The following RABEP1 variants were observed in gnomAD, a reference collection of about 807,000 sequenced individuals.
RABEP1 encodes rab GTPase-binding effector protein 1.
Under a neutral mutation model 123.4 loss-of-function variants are expected in RABEP1, and 51 were observed. The observed-to-expected ratio is 0.41, with a 90% CI of 0.33 to 0.52. RABEP1 has a LOEUF of 0.52. Ranked by LOEUF, RABEP1 falls within the 20% of genes least tolerant of loss-of-function variation. RABEP1 has a pLI of 0.16. For synonymous variants in RABEP1, 347 were observed against 355.2 expected (o/e 0.98, Z 0.26); for missense variants, 888 against 996.3 (o/e 0.89, Z 1.46).
chr17:5,341,948 A>G (rs1400374212), intron 5 of RABEP1, among the ~76,000 whole-genome samples: 1 of 152,258 alleles, frequency 6.6e-6, no homozygotes, highest in Admixed American at 6.5e-5. Flanking sequence ...CAGCCTTACC[A>G]TTAATGGTGG....
At chr17:5,334,877 G>A (rs1030629940) in intron 3 of RABEP1, among the ~76,000 whole-genome samples, 2 of 152,174 alleles carry the variant, frequency 1.3e-5, no homozygotes, top group African/African-American at 4.8e-5. Context: ...TTGGCCTTAA[G>A]TTCGAATTCT....
intron 1 of RABEP1, among the ~76,000 whole-genome samples, chr17:5,292,925 G>A (rs983989495): frequency 2.0e-5 from 3 of 152,180 alleles, no homozygotes; most frequent in Admixed American, 6.5e-5. Context: ...CAAGCCATCT[G>A]CCTGCCTTGG....
At chr17:5,319,841 C>G (rs1207938550) in intron 2 of RABEP1, among the ~76,000 whole-genome samples, 1 of 151,654 alleles carries the variant, frequency 6.6e-6, no homozygotes, top group Non-Finnish European at 1.5e-5. Flanking sequence ...ACAAAGAGGA[C>G]AAAAAAGAAT....
intron 2 of RABEP1, among the ~76,000 whole-genome samples, chr17:5,323,709 T>TATATATCTAGGAATAC (rs1905627038): frequency 2.0e-5 from 2 of 98,004 alleles, no homozygotes. Flanking sequence ...TAGGAATATA[T>TATATATCTAGGAATAC]ATATATATCT....
chr17:5,367,644 C>T (rs747550833), intron 11 of RABEP1, among the ~76,000 whole-genome samples: 1 of 151,174 alleles, frequency 6.6e-6, no homozygotes, highest in Non-Finnish European at 1.5e-5. Flanking sequence ...CCACCTTTCC[C>T]CCATTGCTCT....
chr17:5,370,769 A>G (rs1333582284), intron 12 of RABEP1, among the ~76,000 whole-genome samples: 1 of 152,198 alleles, frequency 6.6e-6, no homozygotes, highest in Non-Finnish European at 1.5e-5. Flanking sequence ...GTGGGGACAA[A>G]ATAGTTTCAG....
Position 5,338,105 on chromosome 17 carries a change from T to C in RABEP1, c.615T>C (p.Ala205=), listed in dbSNP as rs745833834. ...IAALKDKLTE[A]EDKIKELEAS... ...CTTTGAAGGATAAACTGACAGAGGC[T>C]GAAGACAAAATTAAAGAGCTGGAGG... Residue 205 remains alanine (A), a synonymous_variant, in exon 5 of 18, where the codon GCT becomes GCC. Transcript: ENST00000537505. 6 of 1,613,442 alleles carry C rather than the reference T, an allele frequency of 3.7e-6. No individual in the cohort carries two copies. The highest frequency in any genetic ancestry group is 1.7e-4 in the Middle Eastern group (1 of 6,060).
chr17:5,318,982 G>C (rs948160647), intron 2 of RABEP1, among the ~76,000 whole-genome samples: 1 of 152,124 alleles, frequency 6.6e-6, no homozygotes, highest in African/African-American at 2.4e-5. Context: ...ACAATGTATA[G>C]ATGTATCAGA....
At chr17:5,319,335 A>AC (rs1456384744) in intron 2 of RABEP1, among the ~76,000 whole-genome samples, 2 of 119,054 alleles carry the variant, frequency 1.7e-5, no homozygotes, top group Non-Finnish European at 3.4e-5. Flanking sequence ...CTCAAAAAAA[A>AC]AAAAAACAAA....
Position 5,382,459 on chromosome 17 carries a change from C to T in RABEP1, c.2488-663C>T, listed in dbSNP as rs146551335. Among the ~76,000 whole-genome samples, 670 of 151,658 alleles carry T rather than the reference C, an allele frequency of 4.4e-3. 3 individuals carry two copies. Among genetic ancestry groups the T allele is most frequent in the Non-Finnish European group, 7.7e-3 (523 of 67,936 alleles). On this transcript the variant is annotated intron_variant, in intron 17 of 17. Coordinates refer to ENST00000537505, the MANE Select transcript of RABEP1 (RefSeq NM_004703.6). ...TCCCAACACATTACACTTTAAAATC[C>T]TAGTCTGGGCCAGGCATGGTGGCTC...
At chr17:5,361,007 C>T in intron 8 of RABEP1, 5 of 562,500 alleles carry the variant, frequency 8.9e-6, no homozygotes, top group African/African-American at 1.9e-5. Context: ...GGGATTATAT[C>T]TTGCTCACAG....
intron 16 of RABEP1, 191 bp downstream of exon 16, chr17:5,380,653 A>G (rs542125284): frequency 1.2e-4 from 71 of 606,972 alleles, no homozygotes; most frequent in African/African-American, 1.1e-3. Flanking sequence ...CTTTTCTGCC[A>G]GGTCTGGAGG....
At chr17:5,367,471 A>G (rs1335632056) in intron 11 of RABEP1, among the ~76,000 whole-genome samples, 9 of 151,760 alleles carry the variant, frequency 5.9e-5, no homozygotes, top group African/African-American at 1.5e-4. Flanking sequence ...GGGTTTCACC[A>G]TCTTGGCCAG....
Position 5,379,036 on chromosome 17 carries a change from A to G in RABEP1, c.2271+804A>G, listed in dbSNP as rs559645468. ...ATGCCACGAGACTTGGTGACACTGC[A>G]TGCTCAAGCTGCCAGATGGGCCTCC... On this transcript the variant is annotated intron_variant, in intron 15 of 17. Transcript: ENST00000537505. Among the ~76,000 whole-genome samples, 51 of 152,244 alleles carry G rather than the reference A, an allele frequency of 3.3e-4. 2 individuals are homozygous for G. The South Asian group carries it at 7.3e-3, about 22-fold the overall frequency.
At chr17:5,367,382 C>T (rs1337059413) in intron 11 of RABEP1, among the ~76,000 whole-genome samples, 2 of 151,924 alleles carry the variant, frequency 1.3e-5, no homozygotes, top group African/African-American at 4.8e-5. Context: ...AGCGATTCTC[C>T]TGCCTCAGCC....
intron 1 of RABEP1, among the ~76,000 whole-genome samples, chr17:5,292,489 G>A (rs1487829413): frequency 6.6e-6 from 1 of 151,958 alleles, no homozygotes; most frequent in Non-Finnish European, 1.5e-5. Flanking sequence ...CTGGGTTCAA[G>A]CAGTTCTGCC....
chr17:5,284,851 T>TAA (rs11417038), intron 1 of RABEP1, among the ~76,000 whole-genome samples: 296 of 144,068 alleles, frequency 2.1e-3, no homozygotes, highest in Non-Finnish European at 3.3e-3. Context: ...TCCTGCTGAT[T>TAA]AAAAAAAAAA....
At chr17:5,341,948 A>T (rs1400374212) in intron 5 of RABEP1, among the ~76,000 whole-genome samples, 1 of 152,258 alleles carries the variant, frequency 6.6e-6, no homozygotes, top group Non-Finnish European at 1.5e-5. Context: ...CAGCCTTACC[A>T]TTAATGGTGG....
At chr17:5,345,243 A>T (rs527810055) in intron 5 of RABEP1, among the ~76,000 whole-genome samples, 8 of 152,192 alleles carry the variant, frequency 5.3e-5, no homozygotes, top group Non-Finnish European at 1.0e-4. Flanking sequence ...TTGGTTTCTC[A>T]TGACCCTCAT....
Sources: gnomAD v4.1 joint callset for allele counts (sites outside exome capture counted in the v4.1 genomes callset) on GRCh38, gnomAD v4.1.1 for gene constraint, MANE v1.5 for transcripts, NCBI Gene and HGNC (gene_info 2026-07-23, HGNC 2026-07-21) for gene names.